Variants in KCND2 observed in about 807,000 individuals in gnomAD.
KCND2 encodes the protein potassium voltage-gated channel subfamily D member 2, also known as A-type voltage-gated potassium channel KCND2.
KCND2 carries 16 observed loss-of-function variants against 54.4 expected under a neutral mutation model. That is an observed-to-expected ratio of 0.29 (90% CI 0.20 to 0.45). The LOEUF is 0.45. Ranked by LOEUF, KCND2 falls within the 20% of genes least tolerant of loss-of-function variation. The pLI, the probability that KCND2 is intolerant of heterozygous loss-of-function variation, is 1.00. For missense variants in KCND2, 486 were observed against 824.2 expected (o/e 0.59, Z 5.02); for synonymous variants, 317 against 310.7 (o/e 1.02, Z -0.21).
intron 1 of KCND2, among the ~76,000 whole-genome samples, chr7:120,391,841 G>A (rs1486257259): frequency 6.6e-6 from 1 of 151,908 alleles, no homozygotes; most frequent in African/African-American, 2.4e-5. Context: ...GTTAGATTGT[G>A]AAAAGTTTCT....
chr7:120,669,991 G>A (rs910702345), intron 1 of KCND2, among the ~76,000 whole-genome samples: 2 of 152,008 alleles, frequency 1.3e-5, no homozygotes, highest in African/African-American at 4.8e-5. Context: ...GCTTTCTGCA[G>A]GACCATAGTC....
At chr7:120,617,950 G>A (rs1388098052) in intron 1 of KCND2, among the ~76,000 whole-genome samples, 1 of 152,184 alleles carries the variant, frequency 6.6e-6, no homozygotes, top group Non-Finnish European at 1.5e-5. Flanking sequence ...ATAAGTGGGA[G>A]CTAAACACTG....
At chr7:120,589,358 C>CA (rs1417727308) in intron 1 of KCND2, among the ~76,000 whole-genome samples, 4 of 152,120 alleles carry the variant, frequency 2.6e-5, no homozygotes, top group Non-Finnish European at 5.9e-5. Flanking sequence ...ACCATTCTTA[C>CA]AAAAAATACA....
In KCND2 at chr7:120,289,932, G is replaced by A. The variant is rs528715590; in HGVS notation, c.1115+14185G>A. The stretch of plus-strand genomic sequence containing the variant: ...CGATTTAATTTTAATAAGTAGTTTC[G>A]AAGCTCACATTGTGTTTTTGCTTAT... On this transcript the variant is annotated intron_variant, in intron 1 of 5. Coordinates refer to ENST00000331113, the MANE Select transcript of KCND2 (RefSeq NM_012281.3). Among the ~76,000 whole-genome samples, 5 of 152,106 alleles carry A rather than the reference G, an allele frequency of 3.3e-5. No individual in the cohort carries two copies. The East Asian group carries it at 7.7e-4, about 24-fold the overall frequency.
intron 1 of KCND2, among the ~76,000 whole-genome samples, chr7:120,694,498 G>C (rs1022842947): frequency 6.6e-6 from 1 of 152,092 alleles, no homozygotes; most frequent in Non-Finnish European, 1.5e-5. Flanking sequence ...CTTCCTATGC[G>C]AGCCTGGCCA....
rs533658278 is a variant in KCND2, at chr7:120,509,736, T to C, written c.1116-223167T>C. 2.6e-5 allele frequency among the ~76,000 whole-genome samples: 4 copies of C among 152,214 alleles called. No homozygotes were observed. The South Asian group carries it at 8.3e-4, about 32-fold the overall frequency. ...TACTTCAATGCAACTGAAACAGAGT[T>C]TTCCGTTGCAAAATTATTTGCCAAT... is the stretch of plus-strand genomic sequence containing the variant. On this transcript the variant is annotated intron_variant, in intron 1 of 5. Coordinates refer to ENST00000331113, the MANE Select transcript of KCND2 (RefSeq NM_012281.3).
chr7:120,491,556 G>A (rs1466081119), intron 1 of KCND2, among the ~76,000 whole-genome samples: 1 of 151,942 alleles, frequency 6.6e-6, no homozygotes, highest in Non-Finnish European at 1.5e-5. Context: ...CTACATTTGT[G>A]GTACATAACA....
intron 1 of KCND2, among the ~76,000 whole-genome samples, chr7:120,439,265 T>A (rs573568273): frequency 6.6e-6 from 1 of 152,086 alleles, no homozygotes; most frequent in East Asian, 1.9e-4. Context: ...TGGTTTTCAC[T>A]CAGAATATCT....
chr7:120,274,851 C>T lies in KCND2; in HGVS notation c.219C>T (p.Asp73=). 4 of 1,614,118 alleles carry T rather than the reference C, an allele frequency of 2.5e-6. No homozygotes were observed. The highest frequency in any genetic ancestry group is 1.1e-5 in the South Asian group (1 of 91,074). ...CTCTACTGGGCAGTTCTGAGAGGGACTTTTTCTACCACCCAGAAACTCAGC... is the reference window on the plus strand; with the variant it reads ...CTCTACTGGGCAGTTCTGAGAGGGATTTTTTCTACCACCCAGAAACTCAGC... The part of the protein sequence containing the change: ...PDTLLGSSER[D]FFYHPETQQY... The change falls in exon 1 of 6, where the codon GAC becomes GAT. Residue 73 remains aspartate (D), a synonymous_variant. Transcript: ENST00000331113.
At chr7:120,695,135 T>C (rs1228303082) in intron 1 of KCND2, among the ~76,000 whole-genome samples, 1 of 152,034 alleles carries the variant, frequency 6.6e-6, no homozygotes, top group Admixed American at 6.6e-5. Context: ...TGATGTAGCA[T>C]GATTTTGTTT....
At chr7:120,493,981 A>C (rs2116305288) in intron 1 of KCND2, among the ~76,000 whole-genome samples, 1 of 152,302 alleles carries the variant, frequency 6.6e-6, no homozygotes, top group African/African-American at 2.4e-5. Flanking sequence ...CAACTGAATA[A>C]ATCTTATAAA....
chr7:120,564,916 T>A (rs968002256), intron 1 of KCND2, among the ~76,000 whole-genome samples: 1 of 152,190 alleles, frequency 6.6e-6, no homozygotes, highest in Non-Finnish European at 1.5e-5. Flanking sequence ...AATATGTGCA[T>A]CTTTGTTTCT....
intron 1 of KCND2, among the ~76,000 whole-genome samples, chr7:120,476,637 T>G (rs905991305): frequency 2.0e-5 from 3 of 152,040 alleles, no homozygotes; most frequent in African/African-American, 7.2e-5. Flanking sequence ...TGCCTGTGTG[T>G]GGGGGAAGGG....
In KCND2 at chr7:120,749,421, T is replaced by TA. The variant is rs1204039571; in HGVS notation, c.*1569dup. Reference sequence around the variant, plus strand: ...GCAGACATGTCTGCACATGACAGTGTAAAAAAGTTTAATGTCAAATGCAAA... The same window carrying TA: ...GCAGACATGTCTGCACATGACAGTGTAAAAAAAGTTTAATGTCAAATGCAAA... On this transcript the variant is annotated 3_prime_UTR_variant, in exon 6 of 6. Coordinates refer to ENST00000331113, the MANE Select transcript of KCND2 (RefSeq NM_012281.3). 1 of 152,334 alleles carries TA rather than the reference T, an allele frequency of 6.6e-6. No individual in the cohort carries two copies. The highest frequency in any genetic ancestry group is 1.5e-5 in the Non-Finnish European group (1 of 67,812). The allele number at this position is 152,334 out of a possible 1,614,324, so 9.4% of individuals were successfully genotyped here.
chr7:120,531,753 C>T (rs1332226219), intron 1 of KCND2, among the ~76,000 whole-genome samples: 2 of 152,070 alleles, frequency 1.3e-5, no homozygotes, highest in East Asian at 3.9e-4. Flanking sequence ...GTTAATTACT[C>T]CTTTACAAAA....
intron 1 of KCND2, among the ~76,000 whole-genome samples, chr7:120,644,650 A>C (rs1213500563): frequency 6.6e-6 from 1 of 152,228 alleles, no homozygotes. Flanking sequence ...AGTGATATGC[A>C]CATCACAAAA....
intron 1 of KCND2, among the ~76,000 whole-genome samples, chr7:120,645,830 TA>T (rs1340733405): frequency 6.6e-6 from 1 of 152,236 alleles, no homozygotes; most frequent in African/African-American, 2.4e-5. Flanking sequence ...AATGGCATCC[TA>T]ATATAGGGTT....
intron 1 of KCND2, among the ~76,000 whole-genome samples, chr7:120,390,208 G>T (rs1801052602): frequency 6.6e-6 from 1 of 151,332 alleles, no homozygotes; most frequent in South Asian, 2.1e-4. Context: ...TGTTCATAAG[G>T]ATAAAATTTT....
At chr7:120,339,757 A>G (rs1354911497) in intron 1 of KCND2, among the ~76,000 whole-genome samples, 1 of 152,186 alleles carries the variant, frequency 6.6e-6, no homozygotes, top group African/African-American at 2.4e-5. Flanking sequence ...TTGAAAACAC[A>G]GAGCAGAGGG....
Sources: gnomAD v4.1 joint callset for allele counts (sites outside exome capture counted in the v4.1 genomes callset) on GRCh38, gnomAD v4.1.1 for gene constraint, MANE v1.5 for transcripts, NCBI Gene and HGNC (gene_info 2026-07-23, HGNC 2026-07-21) for gene names.